Variants in FER1L6 observed in about 807,000 individuals in gnomAD.
FER1L6 encodes the protein fer-1 like family member 6, also known as fer-1-like protein 6.
A neutral mutation model predicts 219.2 loss-of-function variants in FER1L6; 177 were observed. The ratio of observed to expected loss-of-function variants is 0.81; its 90% CI spans 0.71 to 0.91. The LOEUF is 0.91. Ranked by LOEUF, FER1L6 falls within the 40% of genes least tolerant of loss-of-function variation. The pLI, the probability that FER1L6 is intolerant of heterozygous loss-of-function variation, is 0.00. For synonymous variants in FER1L6, 768 were observed against 824.3 expected (o/e 0.93, Z 1.17); for missense variants, 2,153 against 2,259.9 (o/e 0.95, Z 0.96).
At chr8:123,866,740 C>T (rs916140340) in intron 1 of FER1L6, among the ~76,000 whole-genome samples, 1 of 152,106 alleles carries the variant, frequency 6.6e-6, no homozygotes. Context: ...GCCTCAGCCT[C>T]CCGAGTAGTG....
At chr8:124,058,409 G>A (rs1298659295) in intron 22 of FER1L6, among the ~76,000 whole-genome samples, 1 of 152,124 alleles carries the variant, frequency 6.6e-6, no homozygotes, top group African/African-American at 2.4e-5. Flanking sequence ...TATAACAATC[G>A]CTTGTTTTTC....
At chr8:123,903,751 T>C (rs920495495) in intron 1 of FER1L6, among the ~76,000 whole-genome samples, 1 of 152,184 alleles carries the variant, frequency 6.6e-6, no homozygotes, top group Non-Finnish European at 1.5e-5. Flanking sequence ...TACTGTAGAA[T>C]GTTCCTCAGG....
intron 1 of FER1L6, among the ~76,000 whole-genome samples, chr8:123,903,861 T>C (rs1393556997): frequency 6.6e-6 from 1 of 152,210 alleles, no homozygotes; most frequent in African/African-American, 2.4e-5. Context: ...CTGGGCACTG[T>C]TGGGAAATGA....
intron 18 of FER1L6, among the ~76,000 whole-genome samples, chr8:124,027,894 T>C (rs560655845): frequency 6.6e-6 from 1 of 152,306 alleles, no homozygotes; most frequent in Admixed American, 6.5e-5. Flanking sequence ...CCAGTAAAAC[T>C]ATAACTGAAA....
chr8:123,977,294 G>A (rs1166816814), intron 9 of FER1L6, 123 bp from the exon 10 acceptor site: 13 of 916,692 alleles, frequency 1.4e-5, no homozygotes, highest in South Asian at 1.2e-4. Flanking sequence ...ACTGATTTTC[G>A]TGGGTGTCAG....
At chr8:123,975,568 T>C (rs1816033624) in intron 8 of FER1L6, among the ~76,000 whole-genome samples, 1 of 152,180 alleles carries the variant, frequency 6.6e-6, no homozygotes, top group African/African-American at 2.4e-5. Flanking sequence ...CTTATCCAAT[T>C]TTTCTGAATG....
chr8:124,119,817 CCAT>C lies in FER1L6; in HGVS notation c.*28_*30del. ...GGATCATGGAGGACCCAGATCCTCG[CCAT>C]ATACTAATCCTCTCTTCCTTATCTG... On this transcript the variant is annotated 3_prime_UTR_variant, in exon 41 of 41. Coordinates refer to ENST00000522917, the MANE Select transcript of FER1L6 (RefSeq NM_001039112.2). The C allele has an allele frequency of 6.2e-7, 1 of 1,607,308 alleles. No homozygotes were observed. The highest frequency in any genetic ancestry group is 8.5e-7 in the Non-Finnish European group (1 of 1,176,704).
chr8:124,060,663 A>G lies in FER1L6; in HGVS notation c.3101A>G (p.Tyr1034Cys), dbSNP rs1820526638. 1 of 1,614,012 alleles carries G rather than the reference A, an allele frequency of 6.2e-7. No homozygotes were observed. The highest frequency in any genetic ancestry group is 8.5e-7 in the Non-Finnish European group (1 of 1,179,998). Residue 1034 changes from tyrosine to cysteine, a missense_variant, in exon 24 of 41, where the codon TAC becomes TGC. Physicochemically the swap from Tyr to Cys is radical, Grantham distance 194. Coordinates refer to ENST00000522917, the MANE Select transcript of FER1L6 (RefSeq NM_001039112.2). ...QGVKSCVIQSYKNNPNFSIQA... is the reference protein window; with the variant it reads ...QGVKSCVIQSCKNNPNFSIQA... ...GTGAAGTCCTGCGTGATCCAGAGCT[A>G]CAAGAACAACCCGAACTTCAGCATC...
intron 31 of FER1L6, among the ~76,000 whole-genome samples, chr8:124,072,067 TG>T (rs1348845767): frequency 6.6e-6 from 1 of 152,220 alleles, no homozygotes; most frequent in African/African-American, 2.4e-5. Flanking sequence ...AGACATGTTA[TG>T]GCTTTTCTGA....
At position 124,071,523 on chromosome 8, in the gene FER1L6, C is replaced by A; in HGVS notation, c.3984C>A (p.Tyr1328Ter). 2 of 1,614,086 alleles carry A rather than the reference C, an allele frequency of 1.2e-6. No homozygotes were observed. Among genetic ancestry groups the A allele is most frequent in the Non-Finnish European group, 1.7e-6 (2 of 1,179,972 alleles). The stretch of plus-strand genomic sequence containing the variant: ...GGTTCCAGGGCTCCTTCTGCATCTA[C>A]AAAAGCCCCCAGGATTCTAGCTCTG... The part of the protein sequence containing the change: ...IGKFKGSFCI[Y>*]KSPQDSSSED... Residue 1328 changes from tyrosine to a stop codon, truncating the protein, a stop_gained, in exon 31 of 41, where the codon TAC (tyrosine) becomes TAA (stop). Coordinates refer to ENST00000522917, the MANE Select transcript of FER1L6 (RefSeq NM_001039112.2). LOFTEE classifies it high-confidence loss of function.
At chr8:123,861,854 C>A (rs919891088) in intron 1 of FER1L6, among the ~76,000 whole-genome samples, 1 of 139,134 alleles carries the variant, frequency 7.2e-6, no homozygotes, top group African/African-American at 2.8e-5. Context: ...GCTGAAGTTG[C>A]TTATCAGCTT....
In FER1L6 at chr8:124,013,466, G is replaced by A; in HGVS notation, c.1857G>A (p.Lys619=). ...ESIEEVRELI[K]ISQEAPEEKM... is the part of the protein sequence containing the mutation. ...TAGAAGAAGTGAGAGAATTGATCAA[G>A]ATTTCACAGGAGGCACCTGAAGAGA... Residue 619 remains lysine (K), a synonymous_variant, in exon 15 of 41, where the codon AAG becomes AAA. Coordinates refer to ENST00000522917, the MANE Select transcript of FER1L6 (RefSeq NM_001039112.2). The A allele has an allele frequency of 6.2e-7, 1 of 1,610,336 alleles. No individual in the cohort carries two copies. Among genetic ancestry groups the A allele is most frequent in the Non-Finnish European group, 8.5e-7 (1 of 1,178,984 alleles).
At chr8:123,942,005 T>A (rs1452777054) in intron 1 of FER1L6, among the ~76,000 whole-genome samples, 1 of 152,110 alleles carries the variant, frequency 6.6e-6, no homozygotes, top group Non-Finnish European at 1.5e-5. Context: ...AACTCTATCA[T>A]GATGGAAAAT....
In FER1L6 at chr8:124,094,893, C is replaced by T. The variant is rs769676518; in HGVS notation, c.4553-3C>T. 8.7e-6 allele frequency: 14 copies of T among 1,613,932 alleles called. No individual in the cohort carries two copies. Among genetic ancestry groups the T allele is most frequent in the Admixed American group, 1.7e-5 (1 of 60,024 alleles). ...CTGACAAGTTTGTCTTTCTTTCCTG[C>T]AGATGAGACAGTGGAGTCTTATGAA... is the stretch of plus-strand genomic sequence containing the variant. On this transcript the variant is annotated splice_polypyrimidine_tract_variant and splice_region_variant and intron_variant, in intron 34 of 40. Transcript: ENST00000522917.
At chr8:123,981,090 G>A (rs1193969454) in intron 11 of FER1L6, among the ~76,000 whole-genome samples, 1 of 152,148 alleles carries the variant, frequency 6.6e-6, no homozygotes, top group African/African-American at 2.4e-5. Flanking sequence ...CGGAGGAGTT[G>A]GTGGGAGTGG....
chr8:123,925,297 C>T (rs1373167093), intron 1 of FER1L6, among the ~76,000 whole-genome samples: 1 of 152,194 alleles, frequency 6.6e-6, no homozygotes, highest in Non-Finnish European at 1.5e-5. Flanking sequence ...CAGTGTTTCA[C>T]TCATCTGTGA....
chr8:123,990,200 G>A (rs1303325680), intron 12 of FER1L6, among the ~76,000 whole-genome samples: 4 of 152,134 alleles, frequency 2.6e-5, no homozygotes, highest in South Asian at 4.1e-4. Context: ...CCCAGGAGGC[G>A]GATCTTGCAG....
intron 1 of FER1L6, among the ~76,000 whole-genome samples, chr8:123,927,006 T>C (rs1813589728): frequency 6.6e-6 from 1 of 152,158 alleles, no homozygotes; most frequent in South Asian, 2.1e-4. Context: ...ATTTATTATG[T>C]GCCAGGCACT....
At chr8:123,962,508 A>G (rs1326682432) in intron 2 of FER1L6, among the ~76,000 whole-genome samples, 2 of 152,044 alleles carry the variant, frequency 1.3e-5, no homozygotes, top group African/African-American at 4.8e-5. Flanking sequence ...TGTCAGTCTT[A>G]TGATCTCTAT....
Sources: allele counts gnomAD v4.1 joint callset (sites outside exome capture counted in the v4.1 genomes callset), GRCh38; gene constraint gnomAD v4.1.1; transcripts MANE v1.5; gene names NCBI Gene and HGNC (gene_info 2026-07-23, HGNC 2026-07-21).